ZNF407: variants seen among roughly 807,000 people sequenced by gnomAD.
ZNF407 encodes the protein zinc finger protein 407.
ZNF407 carries 17 observed loss-of-function variants against 131.2 expected under a neutral mutation model. The ratio of observed to expected loss-of-function variants is 0.13; its 90% CI spans 0.09 to 0.19. The LOEUF is 0.19. Among genes scored for constraint, ZNF407 ranks in the 10% least tolerant of loss-of-function variants. ZNF407 has a pLI of 1.00. For missense variants in ZNF407, 2,681 were observed against 2,830.6 expected (o/e 0.95, Z 1.20); for synonymous variants, 1,156 against 1,062.0 (o/e 1.09, Z -1.72).
chr18:74,632,483 A>T lies in ZNF407; in HGVS notation c.1464A>T (p.Arg488Ser), dbSNP rs1252217237. Reference sequence around the variant, plus strand: ...TGGAAGCGTGCAGCAGTGTGCAGAGAGTGTGTGTGACTACCTCAGAAACCC... The same window carrying T: ...TGGAAGCGTGCAGCAGTGTGCAGAGTGTGTGTGTGACTACCTCAGAAACCC... Reference protein sequence around the residue: ...KHLEACSSVQRVCVTTSETQE... With the variant: ...KHLEACSSVQSVCVTTSETQE... Residue 488 changes from arginine (R) to serine (S), a missense_variant, in exon 2 of 9, where the codon AGA becomes AGT. Around this residue, in one of 6 missense-constraint regions of ZNF407, gnomAD observed 1,789 missense variants for 1,748.7 expected, o/e 1.02. Transcript: ENST00000299687. The T allele has an allele frequency of 4.3e-6, 7 of 1,614,010 alleles. No individual in the cohort carries two copies. Among genetic ancestry groups the T allele is most frequent in the Middle Eastern group, 1.6e-4 (1 of 6,062 alleles).
intron 8 of ZNF407, among the ~76,000 whole-genome samples, chr18:74,975,937 C>A (rs1599273484): frequency 1.3e-5 from 2 of 152,264 alleles, no homozygotes; most frequent in African/African-American, 4.8e-5. Context: ...GAGGTTTCTC[C>A]TCATGCCAAT....
intron 3 of ZNF407, among the ~76,000 whole-genome samples, chr18:74,643,450 T>C (rs1984817033): frequency 6.6e-6 from 1 of 152,086 alleles, no homozygotes; most frequent in Non-Finnish European, 1.5e-5. Context: ...TAGTAGTTAA[T>C]ATCTTAGTCT....
chr18:74,842,204 G>T (rs913619480), intron 4 of ZNF407, among the ~76,000 whole-genome samples: 1 of 152,042 alleles, frequency 6.6e-6, no homozygotes, highest in Admixed American at 6.5e-5. Flanking sequence ...TAAATTGCCC[G>T]CACCACTTAG....
intron 8 of ZNF407, among the ~76,000 whole-genome samples, chr18:74,966,628 G>A (rs1019259023): frequency 6.6e-6 from 1 of 152,112 alleles, no homozygotes; most frequent in Non-Finnish European, 1.5e-5. Context: ...TTTTGCTTAG[G>A]ATAGTTTTGG....
chr18:74,774,925 A>G (rs1969436763), intron 3 of ZNF407, among the ~76,000 whole-genome samples: 1 of 152,192 alleles, frequency 6.6e-6, no homozygotes, highest in South Asian at 2.1e-4. Flanking sequence ...ATACATTCTT[A>G]GTGAGAGAGA....
rs564170107 is a variant in ZNF407 at position 74,852,218 on chromosome 18, C to T, written c.4878-24979C>T. On this transcript the variant is annotated intron_variant, in intron 4 of 8. Coordinates refer to ENST00000299687, the MANE Select transcript of ZNF407 (RefSeq NM_017757.3). ...ACACACGCACGCACGCACGCGCACGCGCGCGCGCATTGCTGGCTTTATTTT... is the reference window on the plus strand; with the variant it reads ...ACACACGCACGCACGCACGCGCACGTGCGCGCGCATTGCTGGCTTTATTTT... Among the ~76,000 whole-genome samples, 41 of 152,124 alleles carry T rather than the reference C, an allele frequency of 2.7e-4. No homozygotes were observed. In the South Asian group the frequency reaches 7.7e-3, roughly 28 times the overall value.
rs567894229 is a variant in ZNF407 at position 74,684,534 on chromosome 18, T to A, written c.4802+43412T>A. 2.2e-4 allele frequency among the ~76,000 whole-genome samples: 33 copies of A among 152,330 alleles called. 1 individual carries two copies. Among genetic ancestry groups the A allele is most frequent in the African/African-American group, 7.2e-4 (30 of 41,586 alleles). ...GAGTCACGTTCAGTTATAAGCACAA[T>A]TCAGTGGGAAACTTTGTTCTCTAAA... On this transcript the variant is annotated intron_variant, in intron 3 of 8. Transcript: ENST00000299687.
At chr18:74,963,689 C>T (rs866129683) in intron 8 of ZNF407, among the ~76,000 whole-genome samples, 21 of 152,278 alleles carry the variant, frequency 1.4e-4, no homozygotes, top group African/African-American at 4.3e-4. Flanking sequence ...TTACATTCAG[C>T]TTTTTAAACA....
Position 74,634,985 on chromosome 18 carries a change from G to C in ZNF407, c.3966G>C (p.Glu1322Asp). ...SQHETEFILEEDGPASDSTVE... is the reference protein window; with the variant it reads ...SQHETEFILEDDGPASDSTVE... ...ATGAAACAGAATTTATTTTGGAGGA[G>C]GATGGCCCAGCTTCTGATAGCACAG... The change falls in exon 2 of 9, where the codon GAG becomes GAC. Residue 1322 changes from glutamate (E) to aspartate (D), a missense_variant. Glu to Asp is a conservative substitution (Grantham distance 45). This residue lies in a region of ZNF407 where 1,789 missense variants were observed against 1,748.7 expected (regional missense o/e 1.02). Transcript: ENST00000299687. 1 of 1,613,998 alleles carries C rather than the reference G, an allele frequency of 6.2e-7. No homozygotes were observed.
At chr18:74,681,126 C>T (rs1358110417) in intron 3 of ZNF407, among the ~76,000 whole-genome samples, 1 of 152,132 alleles carries the variant, frequency 6.6e-6, no homozygotes, top group Non-Finnish European at 1.5e-5. Context: ...GAGGAGATTT[C>T]ATTTCGCTTT....
rs1984288520 is a variant in ZNF407 at position 74,633,993 on chromosome 18, A to G, written c.2974A>G (p.Ile992Val). The G allele has an allele frequency of 1.1e-5, 18 of 1,613,862 alleles. No homozygotes were observed. Among genetic ancestry groups the G allele is most frequent in the Non-Finnish European group, 1.3e-5 (15 of 1,179,888 alleles). The change falls in exon 2 of 9, where the codon ATA becomes GTA. Residue 992 changes from isoleucine (I) to valine (V), a missense_variant. Around this residue, in one of 6 missense-constraint regions of ZNF407, gnomAD observed 1,789 missense variants for 1,748.7 expected, o/e 1.02. Transcript: ENST00000299687. ...NSHLLDKKEQ[I>V]SSEPEDFAQP... Reference sequence around the variant, plus strand: ...CCATCTTCTTGATAAAAAGGAGCAAATATCTTCAGAGCCAGAGGACTTCGC... The same window carrying G: ...CCATCTTCTTGATAAAAAGGAGCAAGTATCTTCAGAGCCAGAGGACTTCGC...
intron 4 of ZNF407, among the ~76,000 whole-genome samples, chr18:74,796,390 A>G (rs1331882675): frequency 1.3e-5 from 2 of 152,218 alleles, no homozygotes; most frequent in Non-Finnish European, 2.9e-5. Context: ...GCCCCAGGTC[A>G]TGATCAGTGC....
intron 3 of ZNF407, among the ~76,000 whole-genome samples, chr18:74,659,197 T>G (rs1001588345): frequency 6.6e-6 from 1 of 152,188 alleles, no homozygotes; most frequent in African/African-American, 2.4e-5. Flanking sequence ...TTTCAAAGAT[T>G]GGATTTTGAT....
intron 8 of ZNF407, among the ~76,000 whole-genome samples, chr18:75,060,985 A>C (rs576116897): frequency 6.6e-6 from 1 of 152,308 alleles, no homozygotes; most frequent in African/African-American, 2.4e-5. Flanking sequence ...GTGATTTAAC[A>C]ATTTCTGCTG....
rs1983384997 is a variant in ZNF407, at chr18:74,617,923, TCTCCAGCACTCC to T, written c.-53-13038_-53-13027del. Among the ~76,000 whole-genome samples the T allele has an allele frequency of 2.0e-5, 3 of 152,180 alleles. No homozygotes were observed. The South Asian group carries it at 6.2e-4, about 32-fold the overall frequency. The stretch of plus-strand genomic sequence containing the variant: ...TGGTCTTTGCCAGTATGCTTTTCTA[TCTCCAGCACTCC>T]CTCCATTTTTACCAGTTGCCCCTCA... On this transcript the variant is annotated intron_variant, in intron 1 of 8. Transcript: ENST00000299687.
chr18:74,658,104 C>CTTTATTTA (rs10641679), intron 3 of ZNF407, among the ~76,000 whole-genome samples: 12,151 of 150,984 alleles, frequency 0.08, 641 homozygotes, highest in African/African-American at 0.15. Context: ...CAGCAGTTGT[C>CTTTATTTA]TTTATTTATT....
At chr18:74,735,648 T>C (rs753232724) in intron 3 of ZNF407, among the ~76,000 whole-genome samples, 1 of 152,188 alleles carries the variant, frequency 6.6e-6, no homozygotes, top group Non-Finnish European at 1.5e-5. Context: ...TAAATATTAA[T>C]GTTTAATTGT....
chr18:75,026,010 G>C (rs904311034), intron 8 of ZNF407, among the ~76,000 whole-genome samples: 7 of 152,184 alleles, frequency 4.6e-5, no homozygotes, highest in African/African-American at 1.7e-4. Flanking sequence ...TACGTAGAAG[G>C]TGTCTCTCAC....
At chr18:75,040,653 T>C (rs1207334075) in intron 8 of ZNF407, among the ~76,000 whole-genome samples, 2 of 152,216 alleles carry the variant, frequency 1.3e-5, no homozygotes, top group African/African-American at 4.8e-5. Flanking sequence ...ACTCTGCAGA[T>C]AGACCCTCTT....
Sources: allele counts gnomAD v4.1 joint callset (sites outside exome capture counted in the v4.1 genomes callset), GRCh38; gene constraint gnomAD v4.1.1; regional missense constraint gnomAD v4.1.1; transcripts MANE v1.5; gene names NCBI Gene and HGNC (gene_info 2026-07-23, HGNC 2026-07-21).